Variants in PDE11A observed in about 807,000 individuals in gnomAD.
PDE11A encodes dual 3',5'-cyclic-AMP and -GMP phosphodiesterase 11A.
PDE11A carries 100 observed loss-of-function variants against 100.5 expected under a neutral mutation model. The ratio of observed to expected loss-of-function variants is 1.00; its 90% confidence interval spans 0.85 to 1.18. The LOEUF is 1.18. Among genes scored for constraint, PDE11A ranks in the 50% most tolerant of loss-of-function variants. PDE11A has a pLI of 0.00. For missense variants in PDE11A, 1,141 were observed against 1,152.6 expected (o/e 0.99, Z 0.15); for synonymous variants, 381 against 420.8 (o/e 0.91, Z 1.16).
At chr2:177,840,899 A>G (rs1039502517) in intron 5 of PDE11A, among the ~76,000 whole-genome samples, 1 of 152,256 alleles carries the variant, frequency 6.6e-6, no homozygotes, top group African/African-American at 2.4e-5. Context: ...TTACTATCTT[A>G]GTCATTATTT....
intron 2 of PDE11A, among the ~76,000 whole-genome samples, chr2:177,943,262 G>T (rs1177514027): frequency 6.6e-6 from 1 of 152,154 alleles, no homozygotes; most frequent in African/African-American, 2.4e-5. Context: ...GGATTATACG[G>T]TAGTTCTACT....
chr2:177,938,011 C>G (rs1338064075), intron 2 of PDE11A, among the ~76,000 whole-genome samples: 1 of 152,004 alleles, frequency 6.6e-6, no homozygotes, highest in East Asian at 1.9e-4. Context: ...TCTTTGACCT[C>G]CAACCTCAGG....
intron 1 of PDE11A, among the ~76,000 whole-genome samples, chr2:178,021,634 T>A (rs34434094): frequency 0.057 from 8,678 of 152,204 alleles, 299 homozygotes; most frequent in South Asian, 0.092. Flanking sequence ...AGCCAAGTAA[T>A]CACCACAAAT....
intron 7 of PDE11A, among the ~76,000 whole-genome samples, chr2:177,819,298 G>T (rs555224266): frequency 1.6e-4 from 24 of 152,128 alleles, no homozygotes; most frequent in Middle Eastern, 3.4e-3. Flanking sequence ...AACACTCACA[G>T]AATACTAAAT....
intron 9 of PDE11A, among the ~76,000 whole-genome samples, chr2:177,777,370 T>G (rs940711845): frequency 3.9e-5 from 6 of 152,200 alleles, no homozygotes; most frequent in African/African-American, 1.4e-4. Context: ...AAGTAATTCT[T>G]AATTACTTTT....
intron 2 of PDE11A, among the ~76,000 whole-genome samples, chr2:177,996,827 T>C (rs1280964748): frequency 1.3e-5 from 2 of 152,174 alleles, no homozygotes; most frequent in Non-Finnish European, 2.9e-5. Flanking sequence ...TCAGTAACTT[T>C]TCAAAACTGA....
At chr2:177,853,680 A>ATATGTGTG (rs2083766252) in intron 5 of PDE11A, among the ~76,000 whole-genome samples, 2 of 36,528 alleles carry the variant, frequency 5.5e-5, no homozygotes, top group African/African-American at 1.8e-4. Flanking sequence ...ATATATATAT[A>ATATGTGTG]TGTGTGTGTG....
At chr2:177,699,936 A>T (rs532719500) in intron 14 of PDE11A, among the ~76,000 whole-genome samples, 37 of 152,154 alleles carry the variant, frequency 2.4e-4, no homozygotes, top group Non-Finnish European at 4.3e-4. Context: ...TGTTTATAAT[A>T]CTTGTTATTA....
chr2:177,771,809 C>T (rs2082314528), intron 9 of PDE11A, among the ~76,000 whole-genome samples: 1 of 151,988 alleles, frequency 6.6e-6, no homozygotes, highest in African/African-American at 2.4e-5. Context: ...TCAATACCAG[C>T]CTGGCCAACA....
chr2:177,727,602 G>C (rs570267007), intron 12 of PDE11A, 56 bp downstream of exon 12: 10 of 992,954 alleles, frequency 1.0e-5, no homozygotes, highest in East Asian at 2.4e-5. Context: ...AAAGGAGAAG[G>C]CCTGCCAGTT....
At chr2:177,830,765 T>G (rs890217199) in intron 6 of PDE11A, among the ~76,000 whole-genome samples, 7 of 151,844 alleles carry the variant, frequency 4.6e-5, no homozygotes, top group Non-Finnish European at 1.0e-4. Context: ...CCTGTTCCCA[T>G]GGAGCAGATG....
At chr2:177,630,777 G>C (rs2079907141) in intron 19 of PDE11A, among the ~76,000 whole-genome samples, 1 of 151,748 alleles carries the variant, frequency 6.6e-6, no homozygotes, top group Non-Finnish European at 1.5e-5. Flanking sequence ...GTATCTATAT[G>C]CCTGTAAAGA....
At chr2:177,901,423 C>T (rs1196901132) in intron 3 of PDE11A, among the ~76,000 whole-genome samples, 1 of 152,194 alleles carries the variant, frequency 6.6e-6, no homozygotes, top group Non-Finnish European at 1.5e-5. Flanking sequence ...ACTCCGGTGT[C>T]TGGCACAGCT....
chr2:177,937,596 C>T (rs545491440), intron 2 of PDE11A, among the ~76,000 whole-genome samples: 2 of 152,292 alleles, frequency 1.3e-5, no homozygotes, highest in South Asian at 2.1e-4. Context: ...GAATTACAGG[C>T]GTGAGCCACC....
intron 17 of PDE11A, 62 bp from the exon 18 acceptor site, chr2:177,669,629 C>A: frequency 1.2e-6 from 1 of 810,284 alleles, no homozygotes; most frequent in East Asian, 2.4e-5. Flanking sequence ...CTCAGAAGTT[C>A]TTTCTTGCTT....
In PDE11A at chr2:177,817,893, T is replaced by C; in HGVS notation, c.1609A>G (p.Lys537Glu). The change falls in exon 8 of 20, where the codon AAA becomes GAA. Residue 537 changes from lysine (K) to glutamate (E), a missense_variant. Coordinates refer to ENST00000286063, the MANE Select transcript of PDE11A (RefSeq NM_016953.4). ...VAQVLNRLDG[K>E]PFDDADQRLF... Reference sequence around the variant, plus strand: ...CGTTGATCTGCATCATCAAAAGGTTTCCCATCAAGTCTGTTTAACACTTGA... The same window carrying C: ...CGTTGATCTGCATCATCAAAAGGTTCCCCATCAAGTCTGTTTAACACTTGA... 1 of 1,548,070 alleles carries C rather than the reference T, an allele frequency of 6.5e-7. No individual in the cohort carries two copies. Among genetic ancestry groups the C allele is most frequent in the Non-Finnish European group, 8.9e-7 (1 of 1,121,450 alleles).
At chr2:177,796,705 A>T (rs986548898) in intron 9 of PDE11A, among the ~76,000 whole-genome samples, 1 of 152,162 alleles carries the variant, frequency 6.6e-6, no homozygotes, top group African/African-American at 2.4e-5. Flanking sequence ...CCTAAAGTGA[A>T]TGTCAGTTTC....
At chr2:177,814,612 T>G (rs973472369) in intron 9 of PDE11A, among the ~76,000 whole-genome samples, 1 of 152,208 alleles carries the variant, frequency 6.6e-6, no homozygotes, top group African/African-American at 2.4e-5. Flanking sequence ...AGTCAATGCC[T>G]ATAAGTCAAC....
At chr2:177,918,221 T>C (rs1238152538) in intron 2 of PDE11A, among the ~76,000 whole-genome samples, 1 of 152,232 alleles carries the variant, frequency 6.6e-6, no homozygotes, top group South Asian at 2.1e-4. Context: ...AGATTTCTCA[T>C]TTGGTATCCT....
Sources: gnomAD v4.1 joint callset for allele counts (sites outside exome capture counted in the v4.1 genomes callset) on GRCh38, gnomAD v4.1.1 for gene constraint, MANE v1.5 for transcripts, NCBI Gene and HGNC (gene_info 2026-07-23, HGNC 2026-07-21) for gene names.